The following MAPKAP1 variants were observed in gnomAD, a reference collection of about 807,000 sequenced individuals.
MAPKAP1 encodes MAPK associated protein 1, also known as target of rapamycin complex 2 subunit MAPKAP1.
Under a neutral mutation model 65.7 loss-of-function variants are expected in MAPKAP1, and 20 were observed. The ratio of observed to expected loss-of-function variants is 0.30; its 90% CI spans 0.21 to 0.44. The LOEUF is 0.44. MAPKAP1 is among the 20% of genes least tolerant of loss of function. The pLI, the probability that MAPKAP1 is intolerant of heterozygous loss-of-function variation, is 1.00. For synonymous variants in MAPKAP1, 222 were observed against 244.3 expected (o/e 0.91, Z 0.85); for missense variants, 423 against 648.0 (o/e 0.65, Z 3.77).
In MAPKAP1 at chr9:125,456,951, C is replaced by T. The variant is rs555652748; in HGVS notation, c.1345+11021G>A. On this transcript the variant is annotated intron_variant, in intron 10 of 11. Transcript: ENST00000265960. ...GGCAATAGATAAGTAATGCACTGAT[C>T]TTTTTTCATCATCATACTAATCTGC... 1.5e-3 allele frequency among the ~76,000 whole-genome samples: 230 copies of T among 151,092 alleles called. 1 individual carries two copies. Among genetic ancestry groups the T allele is most frequent in the Non-Finnish European group, 2.2e-3 (148 of 67,816 alleles).
chr9:125,676,398 AGGG>A (rs1391586869), intron 1 of MAPKAP1, among the ~76,000 whole-genome samples: 1 of 152,242 alleles, frequency 6.6e-6, no homozygotes, highest in Non-Finnish European at 1.5e-5. Context: ...TACATGGTAG[AGGG>A]TGAACAAAAT....
chr9:125,456,080 T>C (rs1292246574), intron 10 of MAPKAP1, among the ~76,000 whole-genome samples: 1 of 152,260 alleles, frequency 6.6e-6, no homozygotes, highest in East Asian at 1.9e-4. Flanking sequence ...CATTGTCTTC[T>C]GGATTGCATT....
At chr9:125,490,102 A>T (rs1854643755) in intron 8 of MAPKAP1, among the ~76,000 whole-genome samples, 1 of 152,212 alleles carries the variant, frequency 6.6e-6, no homozygotes, top group Admixed American at 6.5e-5. Flanking sequence ...TGGTTCTCAA[A>T]GTGCACACTG....
At chr9:125,469,344 AT>A (rs917901949) in intron 9 of MAPKAP1, among the ~76,000 whole-genome samples, 7 of 152,200 alleles carry the variant, frequency 4.6e-5, no homozygotes, top group Non-Finnish European at 1.5e-5. Context: ...AAACAGTTCA[AT>A]TAACCTCCCC....
At chr9:125,470,778 G>A (rs1242564937) in intron 9 of MAPKAP1, among the ~76,000 whole-genome samples, 1 of 152,156 alleles carries the variant, frequency 6.6e-6, no homozygotes, top group African/African-American at 2.4e-5. Context: ...CAGACAGGTG[G>A]GATATCATTT....
At position 125,467,955 on chromosome 9, in the gene MAPKAP1, T is replaced by C; in HGVS notation, c.1345+17A>G. The C allele has an allele frequency of 6.2e-7, 1 of 1,612,866 alleles. No homozygotes were observed. Among genetic ancestry groups the C allele is most frequent in the Non-Finnish European group, 8.5e-7 (1 of 1,179,430 alleles). The stretch of plus-strand genomic sequence containing the variant: ...GGGAAAGAGAGAAAGGAGACATAAA[T>C]AAAAGGGACTACTCACTGGGGCTTT... On this transcript the variant is annotated intron_variant, in intron 10 of 11. Coordinates refer to ENST00000265960, the MANE Select transcript of MAPKAP1 (RefSeq NM_001006617.3).
intron 6 of MAPKAP1, among the ~76,000 whole-genome samples, chr9:125,545,983 C>T (rs1334613420): frequency 2.0e-5 from 3 of 152,190 alleles, no homozygotes; most frequent in African/African-American, 4.8e-5. Flanking sequence ...GCTACACCTG[C>T]GGACGCTTCC....
chr9:125,665,712 G>A (rs957903427), intron 3 of MAPKAP1, among the ~76,000 whole-genome samples: 17 of 152,162 alleles, frequency 1.1e-4, no homozygotes, highest in South Asian at 2.1e-4. Context: ...CACAGGTGAG[G>A]CCTAGAAATG....
At chr9:125,608,340 T>G (rs747954294) in intron 4 of MAPKAP1, among the ~76,000 whole-genome samples, 46 of 152,266 alleles carry the variant, frequency 3.0e-4, no homozygotes, top group Non-Finnish European at 6.2e-4. Flanking sequence ...CTGAATCCTT[T>G]GATGTAAACA....
intron 3 of MAPKAP1, among the ~76,000 whole-genome samples, chr9:125,662,332 T>C (rs1051728828): frequency 1.3e-5 from 2 of 152,114 alleles, no homozygotes; most frequent in African/African-American, 2.4e-5. Context: ...TAGTGAGCCA[T>C]GTTCATGCCA....
At chr9:125,704,462 G>A (rs4838287) in intron 1 of MAPKAP1, among the ~76,000 whole-genome samples, 150,994 of 152,310 alleles carry the variant, frequency 0.99, 74,845 homozygotes, top group East Asian at 1. Context: ...ACTTTATTAT[G>A]GTTCACCTGC....
chr9:125,510,383 T>C (rs1404077987), intron 7 of MAPKAP1, among the ~76,000 whole-genome samples: 1 of 152,226 alleles, frequency 6.6e-6, no homozygotes, highest in Non-Finnish European at 1.5e-5. Flanking sequence ...ATGAAAATGA[T>C]CTGAAACTAT....
rs1051697067 is a variant in MAPKAP1 at position 125,611,356 on chromosome 9, G to T, written c.499-25629C>A. On this transcript the variant is annotated intron_variant, in intron 4 of 11. Coordinates refer to ENST00000265960, the MANE Select transcript of MAPKAP1 (RefSeq NM_001006617.3). Reference sequence around the variant, plus strand: ...AGGAGAGAATCTGTTAGGAAGATATGAGTTGAAGAAATTACCTAGAATGCA... The same window carrying T: ...AGGAGAGAATCTGTTAGGAAGATATTAGTTGAAGAAATTACCTAGAATGCA... 2.6e-5 allele frequency among the ~76,000 whole-genome samples: 4 copies of T among 152,168 alleles called. No individual in the cohort carries two copies. In the East Asian group the frequency reaches 7.7e-4, roughly 29 times the overall value.
chr9:125,516,206 G>C (rs1440309820), intron 7 of MAPKAP1, among the ~76,000 whole-genome samples: 1 of 152,132 alleles, frequency 6.6e-6, no homozygotes, highest in Non-Finnish European at 1.5e-5. Flanking sequence ...TTTGCTGCAA[G>C]ACTCAATTCA....
At chr9:125,676,704 C>A (rs921764535) in intron 1 of MAPKAP1, among the ~76,000 whole-genome samples, 1 of 152,124 alleles carries the variant, frequency 6.6e-6, no homozygotes, top group African/African-American at 2.4e-5. Context: ...ACGGTTGCAC[C>A]ATAATATGAA....
At chr9:125,697,467 G>A (rs1235001184) in intron 1 of MAPKAP1, among the ~76,000 whole-genome samples, 4 of 152,020 alleles carry the variant, frequency 2.6e-5, no homozygotes, top group Non-Finnish European at 5.9e-5. Flanking sequence ...ATACTTTATA[G>A]AGTGTCATAT....
intron 5 of MAPKAP1, among the ~76,000 whole-genome samples, chr9:125,581,881 T>C (rs895001050): frequency 1.3e-5 from 2 of 152,212 alleles, no homozygotes; most frequent in African/African-American, 2.4e-5. Context: ...TTAATTTGCA[T>C]GTGTTTTTAA....
intron 5 of MAPKAP1, 128 bp downstream of exon 5, chr9:125,585,427 C>T (rs542906598): frequency 2.1e-6 from 2 of 965,248 alleles, no homozygotes; most frequent in African/African-American, 3.3e-5. Context: ...CTGGTGAGCA[C>T]CCAGAGCTGG....
chr9:125,521,499 A>G, intron 7 of MAPKAP1: 2 of 1,270,872 alleles, frequency 1.6e-6, no homozygotes, highest in Non-Finnish European at 2.0e-6. Context: ...TTTATTTTAA[A>G]CAATTGTAAA....
Sources: gnomAD v4.1 joint callset for allele counts (sites outside exome capture counted in the v4.1 genomes callset) on GRCh38, gnomAD v4.1.1 for gene constraint, MANE v1.5 for transcripts, NCBI Gene and HGNC (gene_info 2026-07-23, HGNC 2026-07-21) for gene names.